The following MFSD6 variants were observed in gnomAD, a reference collection of about 807,000 sequenced individuals.
MFSD6 encodes major facilitator superfamily domain containing 6.
A neutral mutation model predicts 56.3 loss-of-function variants in MFSD6; 26 were observed. That is an observed-to-expected ratio of 0.46 (90% CI 0.34 to 0.64). The LOEUF is 0.64. Ranked by LOEUF, MFSD6 falls within the 30% of genes least tolerant of loss-of-function variation. The probability of loss-of-function intolerance (pLI) is 0.01; values close to 1 mark genes in which losing one functional copy is unlikely to be tolerated. For missense variants in MFSD6, 750 were observed against 986.2 expected, an observed-to-expected ratio of 0.76 and a Z score of 3.21; for synonymous variants, 331 against 366.9, an observed-to-expected ratio of 0.90 and a Z score of 1.12.
intron 6 of MFSD6, among the ~76,000 whole-genome samples, chr2:190,493,964 C>G (rs1158838697): frequency 2.6e-5 from 4 of 151,098 alleles, no homozygotes; most frequent in East Asian, 1.9e-4. Flanking sequence ...ACTAGAGAAA[C>G]AAGAACAAAC....
At position 190,485,402 on chromosome 2, in the gene MFSD6, G is replaced by A. The variant is rs1688954026; in HGVS notation, c.1631-3255G>A. ...AAGTTAACCTACTACCATTTGATGTGTTTTCAGGTTTTCGGTAATTCATCT... is the reference window on the plus strand; with the variant it reads ...AAGTTAACCTACTACCATTTGATGTATTTTCAGGTTTTCGGTAATTCATCT... On this transcript the variant is annotated intron_variant, in intron 4 of 7. Coordinates refer to ENST00000392328, the MANE Select transcript of MFSD6 (RefSeq NM_017694.4). The surrounding 1 kb of genome is among the most constrained non-coding windows in gnomAD (Gnocchi z 5.1). 6.6e-6 allele frequency among the ~76,000 whole-genome samples: 1 copy of A among 152,110 alleles called. No individual in the cohort carries two copies. Among genetic ancestry groups the A allele is most frequent in the Admixed American group, 6.6e-5 (1 of 15,262 alleles).
At chr2:190,470,330 A>G (rs1559129531) in intron 4 of MFSD6, among the ~76,000 whole-genome samples, 2 of 152,198 alleles carry the variant, frequency 1.3e-5, no homozygotes, top group Non-Finnish European at 2.9e-5. Flanking sequence ...TTGTTTTTCC[A>G]TGAACTTTAA....
In MFSD6 at chr2:190,462,475, A is replaced by G. The variant is rs910864552; in HGVS notation, c.1533-7283A>G. Among the ~76,000 whole-genome samples the G allele has an allele frequency of 3.3e-5, 5 of 152,194 alleles. No individual in the cohort carries two copies. Among genetic ancestry groups the G allele is most frequent in the African/African-American group, 9.7e-5 (4 of 41,446 alleles). On this transcript the variant is annotated intron_variant, in intron 3 of 7. Transcript: ENST00000392328. The surrounding 1 kb of genome is among the most constrained non-coding windows in gnomAD (Gnocchi z 5.7). ...TTGCCCTCATATTTTATCAGTTTACATAAGATTATATTAAATGATGTTATG... is the reference window on the plus strand; with the variant it reads ...TTGCCCTCATATTTTATCAGTTTACGTAAGATTATATTAAATGATGTTATG...
At chr2:190,407,953 G>A (rs564248355), upstream of MFSD6, among the ~76,000 whole-genome samples, 3 of 151,922 alleles carry the variant, frequency 2.0e-5, no homozygotes, top group Admixed American at 2.0e-4. The surrounding 1 kb of genome is among the most constrained non-coding windows in gnomAD (Gnocchi z 5.4). Flanking sequence ...GGGGCTCAGC[G>A]GAAGTCGCTT....
rs141430665 is a variant in MFSD6 at position 190,441,672 on chromosome 2, T to C, written c.1532+4111T>C. Among the ~76,000 whole-genome samples the C allele has an allele frequency of 3.9e-4, 59 of 152,202 alleles. 2 individuals are homozygous for C. The highest frequency in any genetic ancestry group is 1.3e-3 in the African/African-American group (55 of 41,532). On this transcript the variant is annotated intron_variant, in intron 3 of 7. Coordinates refer to ENST00000392328, the MANE Select transcript of MFSD6 (RefSeq NM_017694.4). ...ACAGATCTCTACAGTCCTCTCTCTC[T>C]GTAGCTTTCTCCACGTGGGTACTCT...
intron 2 of MFSD6, among the ~76,000 whole-genome samples, chr2:190,428,890 C>G (rs1423007210): frequency 6.6e-6 from 1 of 152,080 alleles, no homozygotes; most frequent in African/African-American, 2.4e-5. Flanking sequence ...CCAGGCTGGT[C>G]TTAAACTCCT....
At chr2:190,481,178 G>A (rs1026702338) in intron 4 of MFSD6, among the ~76,000 whole-genome samples, 3 of 152,188 alleles carry the variant, frequency 2.0e-5, no homozygotes, top group Admixed American at 6.5e-5. Flanking sequence ...CTGGGTTTTG[G>A]GTGGTAGTCT....
chr2:190,450,488 C>CTTTT (rs10665730), intron 3 of MFSD6, among the ~76,000 whole-genome samples: 19,195 of 97,080 alleles, frequency 0.2, 2,644 homozygotes, highest in Non-Finnish European at 0.27. Flanking sequence ...TCTCTTTTTC[C>CTTTT]TTTTTTTTTT....
chr2:190,449,469 G>A (rs796291333), intron 3 of MFSD6, among the ~76,000 whole-genome samples: 14 of 151,128 alleles, frequency 9.3e-5, no homozygotes, highest in African/African-American at 2.2e-4. Flanking sequence ...GCAAGACTTC[G>A]TCTCAAAAAA....
At chr2:190,440,760 C>T (rs114233207) in intron 3 of MFSD6, among the ~76,000 whole-genome samples, 250 of 152,114 alleles carry the variant, frequency 1.6e-3, no homozygotes, top group African/African-American at 4.6e-3. Context: ...AAATATTATC[C>T]GGGGGGGTTA....
At chr2:190,448,180 T>C (rs4638823) in intron 3 of MFSD6, among the ~76,000 whole-genome samples, 35,128 of 152,158 alleles carry the variant, frequency 0.23, 4,975 homozygotes, top group South Asian at 0.33. Context: ...AAGTGTATGG[T>C]AGACAAGAGT....
chr2:190,437,179 A>G lies in MFSD6; in HGVS notation c.1150A>G (p.Ile384Val). Residue 384 changes from isoleucine (I) to valine (V), a missense_variant, in exon 3 of 8, where the codon ATC (isoleucine) becomes GTC (valine). By Grantham distance (29) the Ile-to-Val change is conservative. Transcript: ENST00000392328. This position sits in a 1 kb window ranked among gnomAD's most constrained non-coding sequence, Gnocchi z 5.9. ...CGGCGTTCTCATGACCATGGCCTTGATCGTTGCCACTCAGTTCCGGTTCCG... is the reference window on the plus strand; with the variant it reads ...CGGCGTTCTCATGACCATGGCCTTGGTCGTTGCCACTCAGTTCCGGTTCCG... ...VFGVLMTMAL[I>V]VATQFRFRYN... 6.2e-7 allele frequency: 1 copy of G among 1,614,198 alleles called. No homozygotes were observed. The highest frequency in any genetic ancestry group is 8.5e-7 in the Non-Finnish European group (1 of 1,180,032).
chr2:190,443,906 G>T lies in MFSD6; in HGVS notation c.1532+6345G>T, dbSNP rs535978104. On this transcript the variant is annotated intron_variant, in intron 3 of 7. Transcript: ENST00000392328. The surrounding 1 kb of genome is among the most constrained non-coding windows in gnomAD (Gnocchi z 4.2). The stretch of plus-strand genomic sequence containing the variant: ...CTTGTCTCTACAAAAAATAACATTA[G>T]CTGGGCATGGTGTCACACGCCTGTA... Among the ~76,000 whole-genome samples, 1 of 152,228 alleles carries T rather than the reference G, an allele frequency of 6.6e-6. No homozygotes were observed. Among genetic ancestry groups the T allele is most frequent in the Admixed American group, 6.5e-5 (1 of 15,296 alleles).
intron 2 of MFSD6, among the ~76,000 whole-genome samples, chr2:190,429,365 G>A (rs1007466483): frequency 8.7e-5 from 13 of 149,438 alleles, no homozygotes; most frequent in Admixed American, 4.0e-4. Flanking sequence ...TCACTCTGTC[G>A]CCCAGCCTGG....
At chr2:190,453,741 G>A (rs1271132974) in intron 3 of MFSD6, among the ~76,000 whole-genome samples, 1 of 152,216 alleles carries the variant, frequency 6.6e-6, no homozygotes, top group East Asian at 1.9e-4. Flanking sequence ...GGGCATTTCT[G>A]TGGGACTGGA....
intron 4 of MFSD6, among the ~76,000 whole-genome samples, chr2:190,476,549 GAAC>G (rs1688328923): frequency 6.6e-6 from 1 of 152,054 alleles, no homozygotes; most frequent in Non-Finnish European, 1.5e-5. Flanking sequence ...AAAAGTCAGG[GAAC>G]AACAGGTGCT....
intron 2 of MFSD6, 22 bp from the exon 3 acceptor site, chr2:190,435,955 T>G (rs970336677): frequency 6.6e-7 from 1 of 1,504,088 alleles, no homozygotes; most frequent in African/African-American, 1.4e-5. Context: ...TACTAAGCCA[T>G]CTTTTAAATT....
intron 2 of MFSD6, among the ~76,000 whole-genome samples, chr2:190,429,388 C>T (rs12693574): frequency 0.45 from 68,500 of 150,874 alleles, 15,950 homozygotes; most frequent in East Asian, 0.61. Context: ...TACAGTGGTG[C>T]AATCTCGGCT....
intron 3 of MFSD6, among the ~76,000 whole-genome samples, chr2:190,455,934 CTTTTTTTTTTTT>C (rs34054506): frequency 1.5e-5 from 1 of 65,370 alleles, no homozygotes; most frequent in Non-Finnish European, 2.5e-5. Flanking sequence ...ATTTACTCTG[CTTTTTTTTTTTT>C]TTTTTTTTTT....
Sources: allele counts gnomAD v4.1 joint callset (sites outside exome capture counted in the v4.1 genomes callset), GRCh38; gene constraint gnomAD v4.1.1; non-coding constraint Gnocchi (gnomAD v3.1); transcripts MANE v1.5; gene names NCBI Gene and HGNC (gene_info 2026-07-23, HGNC 2026-07-21).